Variants in WDFY3 observed in about 807,000 individuals in gnomAD.
WDFY3 encodes the protein WD repeat and FYVE domain-containing protein 3.
Under a neutral mutation model 409.6 loss-of-function variants are expected in WDFY3, and 66 were observed. The ratio of observed to expected loss-of-function variants is 0.16; its 90% CI spans 0.13 to 0.20. WDFY3 has a LOEUF of 0.20. Among genes scored for constraint, WDFY3 ranks in the 10% least tolerant of loss-of-function variants. The pLI is 1.00. For missense variants in WDFY3, 3,031 were observed against 4,298.1 expected, an observed-to-expected ratio of 0.71 and a Z score of 8.24; for synonymous variants, 1,521 against 1,537.1, an observed-to-expected ratio of 0.99 and a Z score of 0.25.
intron 1 of WDFY3, among the ~76,000 whole-genome samples, chr4:84,940,705 A>G (rs1235059515): frequency 2.6e-5 from 4 of 152,102 alleles, no homozygotes; most frequent in Admixed American, 6.6e-5. Flanking sequence ...TCAAAACCAG[A>G]CAAAGAGATT....
chr4:84,847,602 TAA>T (rs757064066), intron 5 of WDFY3, among the ~76,000 whole-genome samples: 16 of 79,120 alleles, frequency 2.0e-4, no homozygotes, highest in Admixed American at 2.9e-4. Flanking sequence ...CCGTCTCTAC[TAA>T]AAAAAAAAAA....
intron 3 of WDFY3, among the ~76,000 whole-genome samples, chr4:84,861,792 AG>A (rs1002083129): frequency 5.4e-4 from 83 of 152,348 alleles, no homozygotes; most frequent in African/African-American, 1.9e-3. Context: ...ACACAGAATC[AG>A]TAACAGTAAG....
At chr4:84,678,413 C>T (rs1255511715) in intron 65 of WDFY3, 134 bp from the exon 66 acceptor site, 1 of 608,864 alleles carries the variant, frequency 1.6e-6, no homozygotes, top group South Asian at 2.1e-5. Context: ...CAGTTCTCGG[C>T]AGCTGCTGCC....
intron 3 of WDFY3, among the ~76,000 whole-genome samples, chr4:84,871,907 T>G (rs1478711359): frequency 2.6e-5 from 4 of 152,232 alleles, no homozygotes; most frequent in African/African-American, 9.6e-5. Context: ...GTGCGAGGAT[T>G]ACAGGCATGA....
At chr4:84,743,282 A>G (rs1738778658) in intron 37 of WDFY3, among the ~76,000 whole-genome samples, 1 of 152,186 alleles carries the variant, frequency 6.6e-6, no homozygotes, top group South Asian at 2.1e-4. Flanking sequence ...AACACATTTC[A>G]ATGTGTTTTG....
At chr4:84,818,759 T>C (rs1753669545) in intron 12 of WDFY3, among the ~76,000 whole-genome samples, 1 of 152,114 alleles carries the variant, frequency 6.6e-6, no homozygotes, top group South Asian at 2.1e-4. Context: ...TTTAAATGCC[T>C]AACATCACAC....
intron 21 of WDFY3, 56 bp from the exon 22 acceptor site, chr4:84,789,963 T>C (rs1419213838): frequency 9.6e-6 from 15 of 1,556,370 alleles, no homozygotes; most frequent in Non-Finnish European, 1.3e-5. Flanking sequence ...CCTATTCAAA[T>C]TATTCATATC....
In WDFY3 at chr4:84,766,390, A is replaced by G. The variant is rs1445931658; in HGVS notation, c.4850-18T>C. ...TTCAGTTCCTAAAATAAAAATAAAT[A>G]CATTAAATCTCCCTAGTAGATAAGC... On this transcript the variant is annotated intron_variant, in intron 30 of 67. Coordinates refer to ENST00000295888, the MANE Select transcript of WDFY3 (RefSeq NM_014991.6). 3 of 1,574,094 alleles carry G rather than the reference A, an allele frequency of 1.9e-6. No homozygotes were observed. Among genetic ancestry groups the G allele is most frequent in the African/African-American group, 1.4e-5 (1 of 72,398 alleles).
chr4:84,740,091 G>C, intron 39 of WDFY3, 96 bp downstream of exon 39: 1 of 1,215,508 alleles, frequency 8.2e-7, no homozygotes, highest in Non-Finnish European at 1.2e-6. Context: ...ACAGAGTAAG[G>C]GTAAAAGAAA....
chr4:84,926,937 T>A (rs1364407535), intron 2 of WDFY3, among the ~76,000 whole-genome samples: 2 of 152,140 alleles, frequency 1.3e-5, no homozygotes, highest in Non-Finnish European at 2.9e-5. Flanking sequence ...AGTCTTAAAT[T>A]TTTGTATGAT....
intron 40 of WDFY3, among the ~76,000 whole-genome samples, chr4:84,737,747 A>C (rs1365506598): frequency 6.6e-6 from 1 of 152,212 alleles, no homozygotes; most frequent in Non-Finnish European, 1.5e-5. Flanking sequence ...AATATTTTGC[A>C]CAAGAAAAGA....
intron 2 of WDFY3, among the ~76,000 whole-genome samples, chr4:84,912,858 G>A (rs1389200605): frequency 1.3e-5 from 2 of 152,168 alleles, no homozygotes; most frequent in African/African-American, 2.4e-5. Flanking sequence ...AGCAAATGCA[G>A]TTGGGTTTAT....
Position 84,780,276 on chromosome 4 carries a change from CT to C in WDFY3, c.4196del (p.Lys1399SerfsTer45). Reference sequence around the variant, plus strand: ...CGTACTGCAAAGTAGTGGCAACAGGCTTAGGGACAAATGTTCTTACTCCTGA... The same window carrying C: ...CGTACTGCAAAGTAGTGGCAACAGGCTAGGGACAAATGTTCTTACTCCTGA... Reference protein sequence around the residue: ...GYLGVRTFVPKPVATTLQYVG... With the variant: ...GYLGVRTFVPXPVATTLQYVG... On this transcript the variant is annotated frameshift_variant, in exon 26 of 68. Coordinates refer to ENST00000295888, the MANE Select transcript of WDFY3 (RefSeq NM_014991.6). LOFTEE classifies it high-confidence loss of function. The C allele has an allele frequency of 6.2e-7, 1 of 1,609,696 alleles. No individual in the cohort carries two copies. Among genetic ancestry groups the C allele is most frequent in the Non-Finnish European group, 8.5e-7 (1 of 1,178,800 alleles).
chr4:84,879,557 C>A (rs1156843513), intron 3 of WDFY3: 1 of 151,944 alleles, frequency 6.6e-6, no homozygotes, highest in Non-Finnish European at 1.5e-5. Flanking sequence ...CTGGAAAGTA[C>A]AACCTCAGGT....
intron 1 of WDFY3, among the ~76,000 whole-genome samples, chr4:84,936,289 G>A (rs975889346): frequency 7.2e-5 from 11 of 152,132 alleles, no homozygotes; most frequent in Non-Finnish European, 7.4e-5. Flanking sequence ...GTGAGGCTGA[G>A]GCAGGACTAT....
At chr4:84,753,500 A>C (rs1298293408) in intron 35 of WDFY3, among the ~76,000 whole-genome samples, 197 bp downstream of exon 35, 1 of 152,216 alleles carries the variant, frequency 6.6e-6, no homozygotes, top group Non-Finnish European at 1.5e-5. Context: ...CTGTGATTTT[A>C]GGAGAAAGCA....
In WDFY3 at chr4:84,778,561, T is replaced by C. The variant is rs143886726; in HGVS notation, c.4460A>G (p.His1487Arg). The C allele has an allele frequency of 7.4e-6, 12 of 1,611,730 alleles. No individual in the cohort carries two copies. Among genetic ancestry groups the C allele is most frequent in the African/African-American group, 1.3e-5 (1 of 74,892 alleles). ...FSLVGTVDSG[H>R]ETSIIPNSTA... ...TGAATTTGGAATAATGGAGGTCTCATGTCCACTATCAACAGTTCCCACCAA... is the reference window on the plus strand; with the variant it reads ...TGAATTTGGAATAATGGAGGTCTCACGTCCACTATCAACAGTTCCCACCAA... The change falls in exon 27 of 68, where the codon CAT (histidine) becomes CGT (arginine). Residue 1487 changes from histidine to arginine, a missense_variant. This residue lies in a region of WDFY3 where 55 missense variants were observed against 124.1 expected (regional missense o/e 0.44). Coordinates refer to ENST00000295888, the MANE Select transcript of WDFY3 (RefSeq NM_014991.6).
At chr4:84,840,760 T>A (rs1578765030) in intron 6 of WDFY3, among the ~76,000 whole-genome samples, 1 of 150,300 alleles carries the variant, frequency 6.7e-6, no homozygotes, top group Non-Finnish European at 1.5e-5. Context: ...TTTTTTTTTT[T>A]AAAGAGATTG....
At position 84,738,998 on chromosome 4, in the gene WDFY3, C is replaced by T. The variant is rs770501301; in HGVS notation, c.6574+12G>A. Reference sequence around the variant, plus strand: ...ACCACAATTTAAAAACATCCCAAGTCAAGGCAATTACCTTCACTAATATCT... The same window carrying T: ...ACCACAATTTAAAAACATCCCAAGTTAAGGCAATTACCTTCACTAATATCT... On this transcript the variant is annotated intron_variant, in intron 40 of 67. Coordinates refer to ENST00000295888, the MANE Select transcript of WDFY3 (RefSeq NM_014991.6). The T allele has an allele frequency of 6.2e-7, 1 of 1,611,828 alleles. No homozygotes were observed. The highest frequency in any genetic ancestry group is 8.5e-7 in the Non-Finnish European group (1 of 1,178,108).
Sources: allele counts gnomAD v4.1 joint callset (sites outside exome capture counted in the v4.1 genomes callset), GRCh38; gene constraint gnomAD v4.1.1; regional missense constraint gnomAD v4.1.1; transcripts MANE v1.5; gene names NCBI Gene and HGNC (gene_info 2026-07-23, HGNC 2026-07-21).